The following PTPRN2 variants were observed in gnomAD, a reference collection of about 807,000 sequenced individuals.
PTPRN2 encodes the protein protein tyrosine phosphatase receptor type N2, also known as receptor-type tyrosine-protein phosphatase N2.
In PTPRN2, 74 loss-of-function variants were observed where a neutral mutation model predicts 118.8. The observed-to-expected ratio is 0.62, with a 90% CI of 0.52 to 0.76. PTPRN2 has a LOEUF of 0.76. PTPRN2 is among the 30% of genes least tolerant of loss of function. PTPRN2 has a pLI of 0.00. For synonymous variants in PTPRN2, 641 were observed against 608.0 expected, an observed-to-expected ratio of 1.05 and a Z score of -0.80; for missense variants, 1,481 against 1,394.4, an observed-to-expected ratio of 1.06 and a Z score of -0.99.
At chr7:158,492,928 A>T (rs1821568437) in intron 1 of PTPRN2, among the ~76,000 whole-genome samples, 1 of 152,246 alleles carries the variant, frequency 6.6e-6, no homozygotes, top group Non-Finnish European at 1.5e-5. Flanking sequence ...CACAGACTGC[A>T]TACACTAAGG....
chr7:157,765,142 TCATC>T (rs533936698), intron 12 of PTPRN2, among the ~76,000 whole-genome samples: 5 of 146,392 alleles, frequency 3.4e-5, no homozygotes, highest in African/African-American at 1.3e-4. Flanking sequence ...CATCCATCCT[TCATC>T]CATCCATCCA....
intron 2 of PTPRN2, among the ~76,000 whole-genome samples, chr7:158,353,281 T>G (rs1470453944): frequency 1.3e-5 from 2 of 152,142 alleles, no homozygotes; most frequent in African/African-American, 2.4e-5. Context: ...ACAATAGAAG[T>G]TAAGGTCAGA....
chr7:157,723,556 C>A (rs767321414), intron 12 of PTPRN2, among the ~76,000 whole-genome samples: 5 of 152,234 alleles, frequency 3.3e-5, no homozygotes, highest in Non-Finnish European at 7.3e-5. Context: ...CTACCACAGC[C>A]CAGGCCTTCC....
intron 3 of PTPRN2, among the ~76,000 whole-genome samples, chr7:158,312,666 C>T (rs7805835): frequency 0.94 from 140,864 of 150,280 alleles, 66,062 homozygotes; most frequent in Non-Finnish European, 0.96. Context: ...TGCATGTGTG[C>T]CTGCCTGCAC....
At chr7:158,301,903 T>C (rs914837415) in intron 3 of PTPRN2, among the ~76,000 whole-genome samples, 5 of 152,090 alleles carry the variant, frequency 3.3e-5, no homozygotes, top group Admixed American at 2.0e-4. Context: ...TAAGCCGAGA[T>C]TGTGCCGCTG....
chr7:158,280,695 T>A (rs185776577), intron 3 of PTPRN2, among the ~76,000 whole-genome samples: 15,396 of 152,252 alleles, frequency 0.1, 1,006 homozygotes, highest in African/African-American at 0.18. Context: ...CCACCGTCAT[T>A]AAACCCCTTT....
At chr7:157,651,548 G>A (rs933241020) in intron 14 of PTPRN2, among the ~76,000 whole-genome samples, 3 of 152,158 alleles carry the variant, frequency 2.0e-5, no homozygotes, top group African/African-American at 7.2e-5. Context: ...GCTCCCGGCC[G>A]ACTCAGGCGT....
chr7:158,071,502 G>C (rs1563391684), intron 11 of PTPRN2, among the ~76,000 whole-genome samples: 1 of 139,694 alleles, frequency 7.2e-6, no homozygotes, highest in Non-Finnish European at 1.5e-5. Context: ...GGTGCTCCTG[G>C]TGGAGATGCT....
At chr7:157,569,077 A>G (rs1799633239) in intron 20 of PTPRN2, 111 bp from the exon 21 acceptor site, 1 of 1,060,912 alleles carries the variant, frequency 9.4e-7, no homozygotes, top group Non-Finnish European at 1.4e-6. Flanking sequence ...CGGCGAGAGG[A>G]AAGGATGGCG....
intron 1 of PTPRN2, among the ~76,000 whole-genome samples, chr7:158,576,482 G>A (rs1275394250): frequency 6.6e-6 from 1 of 152,160 alleles, no homozygotes; most frequent in Non-Finnish European, 1.5e-5. Context: ...CACCACCAGG[G>A]ACATGGGGGC....
chr7:158,036,172 T>G (rs999816073), intron 11 of PTPRN2, among the ~76,000 whole-genome samples: 16 of 152,134 alleles, frequency 1.1e-4, no homozygotes, highest in Middle Eastern at 6.3e-3. Flanking sequence ...TACGGAGATA[T>G]GCAAAACCAC....
At chr7:158,087,032 G>A (rs904144089) in intron 10 of PTPRN2, among the ~76,000 whole-genome samples, 6 of 152,154 alleles carry the variant, frequency 3.9e-5, no homozygotes, top group South Asian at 4.1e-4. Flanking sequence ...CTGCAAAATC[G>A]GGGGAACAAG....
chr7:157,837,338 C>G (rs1286482983), intron 12 of PTPRN2, among the ~76,000 whole-genome samples: 1 of 150,936 alleles, frequency 6.6e-6, no homozygotes, highest in Non-Finnish European at 1.5e-5. Context: ...TACCCACCCA[C>G]CCAGAGAATT....
chr7:158,155,066 G>A (rs1052052240), intron 6 of PTPRN2, among the ~76,000 whole-genome samples: 3 of 152,120 alleles, frequency 2.0e-5, no homozygotes, highest in Non-Finnish European at 4.4e-5. Context: ...CTGCAATCTG[G>A]CCAGTTCATA....
intron 12 of PTPRN2, among the ~76,000 whole-genome samples, chr7:157,720,981 G>A (rs1206778486): frequency 6.6e-6 from 1 of 152,222 alleles, no homozygotes; most frequent in Non-Finnish European, 1.5e-5. Flanking sequence ...TGTTGGGGAG[G>A]TAGGTGTGGG....
chr7:157,799,214 G>T (rs1805072738), intron 12 of PTPRN2, among the ~76,000 whole-genome samples: 1 of 152,114 alleles, frequency 6.6e-6, no homozygotes, highest in South Asian at 2.1e-4. Flanking sequence ...TGGAGCGTGG[G>T]TGGGAGGTGC....
In PTPRN2 at chr7:157,903,583, TCA is replaced by T. The variant is rs1323376275; in HGVS notation, c.1724-4848_1724-4847del. ...CTGACTGGACCTTTTAAAATGTAGT[TCA>T]GTCGGTTTAAATCAGCGATTGAAGC... On this transcript the variant is annotated intron_variant, in intron 11 of 22. Coordinates refer to ENST00000389418, the MANE Select transcript of PTPRN2 (RefSeq NM_002847.5). The surrounding 1 kb of genome is among the most constrained non-coding windows in gnomAD (Gnocchi z 4.2). 1.3e-5 allele frequency among the ~76,000 whole-genome samples: 2 copies of T among 152,038 alleles called. No individual in the cohort carries two copies. The highest frequency in any genetic ancestry group is 2.1e-4 in the South Asian group (1 of 4,804).
At chr7:158,329,496 C>T (rs1310044588) in intron 2 of PTPRN2, among the ~76,000 whole-genome samples, 4 of 152,136 alleles carry the variant, frequency 2.6e-5, no homozygotes, top group Non-Finnish European at 5.9e-5. Flanking sequence ...GCCCCAAGGA[C>T]GGCTCACGCT....
At chr7:158,361,098 C>CACACCCAGGACGACGCACAGACCCCACA in intron 2 of PTPRN2, among the ~76,000 whole-genome samples, 1 of 20,262 alleles carries the variant, frequency 4.9e-5, no homozygotes, top group Non-Finnish European at 9.4e-5. Flanking sequence ...CACATCCACC[C>CACACCCAGGACGACGCACAGACCCCACA]TCACCCAGGA....
Sources: allele counts gnomAD v4.1 joint callset (sites outside exome capture counted in the v4.1 genomes callset), GRCh38; gene constraint gnomAD v4.1.1; non-coding constraint Gnocchi (gnomAD v3.1); transcripts MANE v1.5; gene names NCBI Gene and HGNC (gene_info 2026-07-23, HGNC 2026-07-21).